Variants in FGF13 observed in about 807,000 individuals in gnomAD.
The protein encoded by FGF13 is fibroblast growth factor homologous factor 2.
Under a neutral mutation model 19.5 loss-of-function variants are expected in FGF13, and 2 were observed. That is an observed-to-expected ratio of 0.10 (90% CI 0.04 to 0.32). FGF13 has a LOEUF of 0.32. FGF13 is among the 10% of genes least tolerant of loss of function. FGF13 has a pLI of 1.00. For synonymous variants in FGF13, 72 were observed against 76.9 expected (o/e 0.94, Z 0.33); for missense variants, 113 against 192.7 (o/e 0.59, Z 2.45).
At chrX:138,879,326 C>G (rs1479069446) in intron 1 of FGF13, among the ~76,000 whole-genome samples, 2 of 110,766 alleles carry the variant, frequency 1.8e-5, no homozygotes, top group African/African-American at 6.5e-5. Context: ...GTCTTTTTCA[C>G]TTTCTTGATA....
intron 3 of FGF13, among the ~76,000 whole-genome samples, chrX:138,759,065 T>G (rs1389980998): frequency 8.9e-6 from 1 of 112,065 alleles, no homozygotes; most frequent in East Asian, 2.8e-4. Context: ...GTAAAAATAT[T>G]TACTGCACAT....
At chrX:138,935,992 T>C in intron 1 of FGF13, among the ~76,000 whole-genome samples, 1 of 112,441 alleles carries the variant, frequency 8.9e-6, no homozygotes, top group East Asian at 2.8e-4. Flanking sequence ...TGTAAAAACT[T>C]CATCTCTCCA....
At chrX:138,785,002 AG>A (rs1383437805) in intron 3 of FGF13, among the ~76,000 whole-genome samples, 24 of 112,248 alleles carry the variant, frequency 2.1e-4, no homozygotes, top group Non-Finnish European at 9.4e-5. Flanking sequence ...TTGCCTGAAC[AG>A]TCTACTACAC....
At chrX:138,732,339 A>AT (rs1283729215) in intron 1 of FGF13, among the ~76,000 whole-genome samples, 1 of 112,317 alleles carries the variant, frequency 8.9e-6, no homozygotes, top group African/African-American at 3.2e-5. Flanking sequence ...AACAATCCAG[A>AT]TATCTCTGAA....
chrX:139,099,377 C>CAAAAAAAAA (rs59882808), intron 1 of FGF13, among the ~76,000 whole-genome samples: 2,746 of 32,633 alleles, frequency 0.084, 78 homozygotes, highest in Admixed American at 0.11. Flanking sequence ...GTTTCTATCT[C>CAAAAAAAAA]AAAAAAAAAA....
At chrX:139,019,099 G>A (rs1403634641) in intron 1 of FGF13, among the ~76,000 whole-genome samples, 1 of 111,572 alleles carries the variant, frequency 9.0e-6, no homozygotes, top group Non-Finnish European at 1.9e-5. Flanking sequence ...TCTCTGAAAT[G>A]TAGCTATCTT....
chrX:139,020,714 T>C (rs2092174484), intron 1 of FGF13, among the ~76,000 whole-genome samples: 1 of 111,673 alleles, frequency 9.0e-6, no homozygotes, highest in African/African-American at 3.3e-5. Flanking sequence ...ATGTGATTAA[T>C]GGTCAAGTCA....
At position 138,777,701 on chromosome X, in the gene FGF13, G is replaced by A. The variant is rs762362924; in HGVS notation, c.218-68773C>T. 7.2e-5 allele frequency among the ~76,000 whole-genome samples: 8 copies of A among 111,611 alleles called. No homozygotes were observed. In the East Asian group the frequency reaches 1.4e-3, roughly 20 times the overall value. On this transcript the variant is annotated intron_variant, in intron 3 of 6. Coordinates refer to the FGF13 transcript ENST00000436198. The stretch of plus-strand genomic sequence containing the variant: ...ACCATGCCGACCAAAATAGCACCGC[G>A]AAAGCTCTAAAAATATTAAACTGCC...
intron 1 of FGF13, among the ~76,000 whole-genome samples, chrX:138,951,644 A>T (rs866673670): frequency 8.9e-6 from 1 of 111,938 alleles, no homozygotes; most frequent in Non-Finnish European, 1.9e-5. Flanking sequence ...AACAATACTT[A>T]CCATGGAAAT....
At chrX:138,829,780 G>A (rs760591511) in intron 3 of FGF13, among the ~76,000 whole-genome samples, 60 of 111,426 alleles carry the variant, frequency 5.4e-4, no homozygotes, top group Non-Finnish European at 9.6e-4. Context: ...GCAGTAGCAT[G>A]ATCTCAGCTC....
At chrX:138,657,676 G>T (rs1259219617) in intron 3 of FGF13, among the ~76,000 whole-genome samples, 4 of 111,427 alleles carry the variant, frequency 3.6e-5, no homozygotes, top group African/African-American at 1.3e-4. Flanking sequence ...CTGACTACTG[G>T]GCTCTATGAA....
chrX:138,753,025 C>A (rs2090408473), intron 3 of FGF13, among the ~76,000 whole-genome samples: 1 of 111,547 alleles, frequency 9.0e-6, no homozygotes, highest in Non-Finnish European at 1.9e-5. Flanking sequence ...AGAATAGTTT[C>A]AATTTTTGCA....
At chrX:139,079,650 T>C (rs963169159) in intron 1 of FGF13, among the ~76,000 whole-genome samples, 1 of 110,812 alleles carries the variant, frequency 9.0e-6, no homozygotes, top group Non-Finnish European at 1.9e-5. Context: ...AGACTGGACA[T>C]TGGGACAGTT....
intron 3 of FGF13, among the ~76,000 whole-genome samples, chrX:138,802,365 T>A (rs983171794): frequency 1.8e-5 from 2 of 110,829 alleles, no homozygotes; most frequent in Non-Finnish European, 3.8e-5. Flanking sequence ...CAGCTCCTTG[T>A]ACTTCCCAGG....
intron 3 of FGF13, among the ~76,000 whole-genome samples, chrX:138,792,822 T>C (rs2090752164): frequency 1.8e-5 from 2 of 111,541 alleles, no homozygotes; most frequent in Non-Finnish European, 3.8e-5. Context: ...CAGTTGGGGA[T>C]GTCAAGTCCC....
intron 1 of FGF13, among the ~76,000 whole-genome samples, chrX:139,108,026 T>G (rs990591445): frequency 9.0e-6 from 1 of 111,261 alleles, no homozygotes; most frequent in Non-Finnish European, 1.9e-5. Context: ...AATGAGATGA[T>G]GGAAGTGAAG....
At chrX:138,633,008 T>C in intron 4 of FGF13, 22 bp from the exon 5 acceptor site, 1 of 1,194,508 alleles carries the variant, frequency 8.4e-7, no homozygotes, top group Non-Finnish European at 1.1e-6. Flanking sequence ...ACAAAGATGG[T>C]GTAAAAGGCC....
chrX:138,750,591 C>A (rs1039724689), intron 3 of FGF13, among the ~76,000 whole-genome samples: 1 of 110,907 alleles, frequency 9.0e-6, no homozygotes, highest in Non-Finnish European at 1.9e-5. Flanking sequence ...AAAGTGACAG[C>A]TCATCCTACA....
chrX:138,974,245 TA>T (rs1156627262), intron 1 of FGF13, among the ~76,000 whole-genome samples: 1 of 111,254 alleles, frequency 9.0e-6, no homozygotes, highest in Non-Finnish European at 1.9e-5. Flanking sequence ...AATTGGATAA[TA>T]AGGAACAGAG....
Sources: gnomAD v4.1 joint callset for allele counts (sites outside exome capture counted in the v4.1 genomes callset) on GRCh38, gnomAD v4.1.1 for gene constraint, MANE v1.5 for transcripts, NCBI Gene and HGNC (gene_info 2026-07-23, HGNC 2026-07-21) for gene names.